The following MCC variants were observed in gnomAD, a reference collection of about 807,000 sequenced individuals.
The protein encoded by MCC is colorectal mutant cancer protein.
MCC carries 90 observed loss-of-function variants against 116.2 expected under a neutral mutation model. That is an observed-to-expected ratio of 0.77 (90% CI 0.65 to 0.92). The LOEUF is 0.92. Ranked by LOEUF, MCC falls within the 40% of genes least tolerant of loss-of-function variation. The pLI is 0.00. For synonymous variants in MCC, 578 were observed against 510.5 expected (o/e 1.13, Z -1.78); for missense variants, 1,516 against 1,312.2 (o/e 1.16, Z -2.40).
chr5:113,253,999 T>C (rs112530227), intron 3 of MCC, among the ~76,000 whole-genome samples: 1,648 of 152,276 alleles, frequency 0.011, 30 homozygotes, highest in African/African-American at 0.036. Context: ...ATCAATCTAC[T>C]GAACCCAAGT....
intron 3 of MCC, among the ~76,000 whole-genome samples, chr5:113,192,551 G>A (rs1250660744): frequency 6.6e-6 from 1 of 152,200 alleles, no homozygotes; most frequent in African/African-American, 2.4e-5. Context: ...CATGGGCTTT[G>A]GATCGGGTGT....
intron 3 of MCC, among the ~76,000 whole-genome samples, chr5:113,158,981 G>A (rs78244040): frequency 0.03 from 4,552 of 152,188 alleles, 114 homozygotes; most frequent in East Asian, 0.09. Context: ...GTGTGCACAG[G>A]CAGGGCTGAA....
chr5:113,417,813 T>G (rs571632879), intron 1 of MCC, among the ~76,000 whole-genome samples: 3 of 151,848 alleles, frequency 2.0e-5, no homozygotes, highest in Admixed American at 2.0e-4. Context: ...CCTGTAGTCC[T>G]AGCTACTCAG....
rs115575004 is a variant in MCC, at chr5:113,199,164, T to A, written c.628-47742A>T. On this transcript the variant is annotated intron_variant, in intron 3 of 18. Transcript: ENST00000408903. ...TCCAGCCTAGGTGACAGAGCGAGAC[T>A]CCGTCTCCAAAGAAAAAAAAAGAAA... Among the ~76,000 whole-genome samples, 474 of 151,466 alleles carry A rather than the reference T, an allele frequency of 3.1e-3. 1 individual carries two copies. The highest frequency in any genetic ancestry group is 0.011 in the African/African-American group (455 of 41,228).
chr5:113,078,869 G>A (rs1754648601), intron 11 of MCC, among the ~76,000 whole-genome samples: 1 of 152,204 alleles, frequency 6.6e-6, no homozygotes, highest in African/African-American at 2.4e-5. Flanking sequence ...AAGTCAAACT[G>A]TCCCTGTTTG....
intron 3 of MCC, among the ~76,000 whole-genome samples, chr5:113,256,716 T>G (rs957788975): frequency 2.6e-5 from 4 of 152,204 alleles, no homozygotes; most frequent in African/African-American, 7.2e-5. Context: ...ACTTAAGAGC[T>G]ATCTGGCCGC....
intron 1 of MCC, among the ~76,000 whole-genome samples, chr5:113,415,804 T>C (rs573508899): frequency 6.6e-6 from 1 of 152,354 alleles, no homozygotes; most frequent in South Asian, 2.1e-4. Context: ...TCCAGCTTTG[T>C]TCCATTGCTG....
rs116444083 is a variant in MCC at position 113,197,911 on chromosome 5, C to G, written c.628-46489G>C. On this transcript the variant is annotated intron_variant, in intron 3 of 18. Coordinates refer to ENST00000408903, the MANE Select transcript of MCC (RefSeq NM_001085377.2). ...CAGGCAGGAGAGGCGGAGGAAAGCACAGAGGTGACACTCGTGTCATGTGAC... is the reference window on the plus strand; with the variant it reads ...CAGGCAGGAGAGGCGGAGGAAAGCAGAGAGGTGACACTCGTGTCATGTGAC... Among the ~76,000 whole-genome samples the G allele has an allele frequency of 6.4e-3, 981 of 152,298 alleles. 4 individuals are homozygous for G. The highest frequency in any genetic ancestry group is 0.013 in the African/African-American group (542 of 41,576).
intron 11 of MCC, among the ~76,000 whole-genome samples, chr5:113,072,505 A>G (rs566413992): frequency 5.1e-4 from 77 of 152,286 alleles, no homozygotes; most frequent in Middle Eastern, 3.4e-3. Flanking sequence ...CCATGTAGCC[A>G]AGCCCATCTC....
At position 113,064,081 on chromosome 5, in the gene MCC, G is replaced by A; in HGVS notation, c.2116C>T (p.Leu706=). Residue 706 remains leucine, a synonymous_variant, in exon 14 of 19, where the codon CTG becomes TTG. Coordinates refer to ENST00000408903, the MANE Select transcript of MCC (RefSeq NM_001085377.2). The part of the protein sequence containing the change: ...RKTAENAAKA[L]LMKLDGSCGG... ...CAGCTGCCGTCCAGCTTCATGAGCA[G>A]GGCCTTGGCAGCGTTCTCAGCTGTC... 1.9e-6 allele frequency: 3 copies of A among 1,614,230 alleles called. No homozygotes were observed. The highest frequency in any genetic ancestry group is 1.1e-5 in the South Asian group (1 of 91,078).
At chr5:113,330,146 G>A (rs1185982469) in intron 3 of MCC, among the ~76,000 whole-genome samples, 1 of 152,158 alleles carries the variant, frequency 6.6e-6, no homozygotes, top group African/African-American at 2.4e-5. Context: ...ATTCAAATAA[G>A]GCAAATGCCA....
intron 1 of MCC, among the ~76,000 whole-genome samples, chr5:113,441,793 G>A (rs1771050626): frequency 6.6e-6 from 1 of 152,148 alleles, no homozygotes. Flanking sequence ...GAGAATGACG[G>A]TTTCCAGCTT....
chr5:113,122,905 GA>G (rs1757823045), intron 5 of MCC, 79 bp from the exon 6 acceptor site: 2 of 1,435,986 alleles, frequency 1.4e-6, no homozygotes, highest in East Asian at 2.3e-5. Flanking sequence ...TTAAGGACAA[GA>G]AAAAGACATT....
At chr5:113,319,906 A>G (rs371385826) in intron 3 of MCC, among the ~76,000 whole-genome samples, 18 of 152,274 alleles carry the variant, frequency 1.2e-4, no homozygotes, top group African/African-American at 3.9e-4. Flanking sequence ...GGCAAACCCC[A>G]ATGGCCATAT....
intron 3 of MCC, among the ~76,000 whole-genome samples, chr5:113,327,547 A>AAC (rs1767591825): frequency 1.3e-5 from 1 of 76,830 alleles, no homozygotes; most frequent in African/African-American, 6.3e-5. Flanking sequence ...CTCAGTCTCA[A>AAC]AAAAAAAAAA....
At chr5:113,180,720 A>G (rs550856286) in intron 3 of MCC, among the ~76,000 whole-genome samples, 1 of 152,336 alleles carries the variant, frequency 6.6e-6, no homozygotes, top group South Asian at 2.1e-4. Flanking sequence ...AAAAGAGATC[A>G]ATTTTTCCTC....
chr5:113,247,969 T>C (rs1764638719), intron 3 of MCC, among the ~76,000 whole-genome samples: 1 of 151,792 alleles, frequency 6.6e-6, no homozygotes, highest in Non-Finnish European at 1.5e-5. Flanking sequence ...AGCCTAACCT[T>C]GAGGGTGAAT....
At chr5:113,423,432 T>C (rs1453146097) in intron 1 of MCC, among the ~76,000 whole-genome samples, 1 of 152,142 alleles carries the variant, frequency 6.6e-6, no homozygotes, top group Non-Finnish European at 1.5e-5. Flanking sequence ...CACAAGAATC[T>C]AACCCTGTGT....
chr5:113,094,167 T>C (rs987481394), intron 8 of MCC, among the ~76,000 whole-genome samples: 1 of 152,084 alleles, frequency 6.6e-6, no homozygotes, highest in Non-Finnish European at 1.5e-5. Context: ...TTACAGCAAA[T>C]ATTTATTTCT....
Sources: allele counts gnomAD v4.1 joint callset (sites outside exome capture counted in the v4.1 genomes callset), GRCh38; gene constraint gnomAD v4.1.1; transcripts MANE v1.5; gene names NCBI Gene and HGNC (gene_info 2026-07-23, HGNC 2026-07-21).